Variants in PCDHGA7 observed in about 807,000 individuals in gnomAD.
PCDHGA7 encodes the protein protocadherin gamma-A7.
PCDHGA7 carries 44 observed loss-of-function variants against 58.3 expected under a neutral mutation model. That is an observed-to-expected ratio of 0.75 (90% CI 0.59 to 0.97). The LOEUF (loss-of-function observed/expected upper bound fraction) is 0.97, where lower values mean the gene tolerates loss of function less well. Among genes scored for constraint, PCDHGA7 ranks in the 50% least tolerant of loss-of-function variants. PCDHGA7 has a pLI of 0.00. For synonymous variants in PCDHGA7, 516 were observed against 504.2 expected, an observed-to-expected ratio of 1.02 and a Z score of -0.31; for missense variants, 1,266 against 1,188.7, an observed-to-expected ratio of 1.06 and a Z score of -0.96.
intron 1 of PCDHGA7, chr5:141,421,516 T>C (rs199973694): frequency 6.8e-6 from 11 of 1,614,064 alleles, no homozygotes; most frequent in Non-Finnish European, 9.3e-6. Context: ...GGAGGAGCTC[T>C]GTGAGACGGT....
chr5:141,388,094 G>A (rs2091235940), intron 1 of PCDHGA7: 1 of 1,377,208 alleles, frequency 7.3e-7, no homozygotes, highest in Non-Finnish European at 1.0e-6. Flanking sequence ...GCGTCAGTTC[G>A]GAGAAGCCTT....
chr5:141,444,350 T>C (rs1021358194), intron 1 of PCDHGA7, among the ~76,000 whole-genome samples: 7 of 151,946 alleles, frequency 4.6e-5, no homozygotes, highest in Admixed American at 2.0e-4. Context: ...TTTGTATTTT[T>C]AGTAGAGACG....
At chr5:141,406,436 T>C (rs1207276044) in intron 1 of PCDHGA7, among the ~76,000 whole-genome samples, 3 of 152,234 alleles carry the variant, frequency 2.0e-5, no homozygotes, top group Non-Finnish European at 4.4e-5. Context: ...TTGCTTCTAT[T>C]CTTCCATTTC....
intron 1 of PCDHGA7, chr5:141,419,413 C>A (rs568417008): frequency 6.2e-7 from 1 of 1,613,444 alleles, no homozygotes; most frequent in South Asian, 1.1e-5. Flanking sequence ...TCGCGCAGCG[C>A]GCCTTCGACC....
chr5:141,424,365 T>A (rs933291305), intron 1 of PCDHGA7: 7 of 152,246 alleles, frequency 4.6e-5, no homozygotes, highest in African/African-American at 1.7e-4. Context: ...TAGATCACAT[T>A]TTTTCTTAAG....
chr5:141,500,883 T>G (rs1250275850), intron 2 of PCDHGA7, among the ~76,000 whole-genome samples: 2 of 97,532 alleles, frequency 2.1e-5, no homozygotes, highest in African/African-American at 1.2e-4. Context: ...TACAATTTTT[T>G]TTTTTTGAGA....
chr5:141,410,897 A>G (rs1276742953), intron 1 of PCDHGA7: 1 of 273,412 alleles, frequency 3.7e-6, no homozygotes, highest in African/African-American at 3.4e-5. Flanking sequence ...ACTGTTGCCT[A>G]GGCTGGAGTG....
chr5:141,483,779 A>G (rs1259583177), intron 1 of PCDHGA7, among the ~76,000 whole-genome samples: 2 of 152,146 alleles, frequency 1.3e-5, no homozygotes, highest in Non-Finnish European at 2.9e-5. Context: ...TTGGGGAAGG[A>G]TAAGAACTCC....
chr5:141,494,198 C>T (rs1383940298), intron 1 of PCDHGA7, among the ~76,000 whole-genome samples: 8 of 152,158 alleles, frequency 5.3e-5, no homozygotes, highest in African/African-American at 1.7e-4. Context: ...TTGGATGCCC[C>T]GCAAAGGCCC....
chr5:141,402,882 G>C, intron 1 of PCDHGA7: 2 of 1,479,680 alleles, frequency 1.4e-6, no homozygotes, highest in East Asian at 4.8e-5. Context: ...TACTTTGCAG[G>C]GTGGAAGAAA....
chr5:141,456,140 G>A (rs1032104368), intron 1 of PCDHGA7, among the ~76,000 whole-genome samples: 38 of 152,022 alleles, frequency 2.5e-4, no homozygotes, highest in African/African-American at 8.7e-4. Flanking sequence ...CTCCTGATCC[G>A]CCCGCCTCGG....
At position 141,437,305 on chromosome 5, in the gene PCDHGA7, G is replaced by A. The variant is rs369317069; in HGVS notation, c.2424+51982G>A. On this transcript the variant is annotated intron_variant, in intron 1 of 3. Transcript: ENST00000518325. ...TATCCATTTCATCTAACAAGTTAAA[G>A]CGTTCAGCTATAATTTAAAATTTGT... 1.8e-4 allele frequency among the ~76,000 whole-genome samples: 28 copies of A among 152,266 alleles called. No homozygotes were observed. In the South Asian group the frequency reaches 4.8e-3, roughly 26 times the overall value.
At chr5:141,405,545 AAGTAGAGTAGCTGGGACTAG>A (rs1053729516) in intron 1 of PCDHGA7, 17 of 631,162 alleles carry the variant, frequency 2.7e-5, no homozygotes, top group African/African-American at 9.2e-5. Flanking sequence ...TCAGCCTCCC[AAGTAGAGTAGCTGGGACTAG>A]AGTAGAGTAG....
At chr5:141,478,442 C>G (rs1245219009) in intron 1 of PCDHGA7, 1 of 1,613,608 alleles carries the variant, frequency 6.2e-7, no homozygotes, top group Non-Finnish European at 8.5e-7. Flanking sequence ...GCTGAAGAAA[C>G]CTGGTGCAGC....
chr5:141,414,318 G>A (rs1212643655), intron 1 of PCDHGA7: 1 of 1,613,772 alleles, frequency 6.2e-7, no homozygotes, highest in Non-Finnish European at 8.5e-7. Context: ...TAGACTCTGA[G>A]CAGAATGGAC....
In PCDHGA7 at chr5:141,431,464, G is replaced by C. The variant is rs1413324509; in HGVS notation, c.2424+46141G>C. On this transcript the variant is annotated intron_variant, in intron 1 of 3. Coordinates refer to ENST00000518325, the MANE Select transcript of PCDHGA7 (RefSeq NM_018920.4). This position sits in a 1 kb window ranked among gnomAD's most constrained non-coding sequence, Gnocchi z 4.8. ...GCATCCGCGTGATGGTTCTGGATGCGAACGACAACGCACCAGCGTTTGCTC... is the reference window on the plus strand; with the variant it reads ...GCATCCGCGTGATGGTTCTGGATGCCAACGACAACGCACCAGCGTTTGCTC... The C allele has an allele frequency of 6.2e-7, 1 of 1,613,664 alleles. No individual in the cohort carries two copies. Among genetic ancestry groups the C allele is most frequent in the African/African-American group, 1.3e-5 (1 of 74,950 alleles).
At chr5:141,413,070 T>G (rs990993849) in intron 1 of PCDHGA7, 1 of 1,195,014 alleles carries the variant, frequency 8.4e-7, no homozygotes, top group African/African-American at 1.5e-5. Context: ...GAATTTAAAG[T>G]GCCCAGGCTA....
In PCDHGA7 at chr5:141,490,378, G is replaced by A; in HGVS notation, c.2425-4429G>A. On this transcript the variant is annotated intron_variant, in intron 1 of 3. Transcript: ENST00000518325. The surrounding 1 kb of genome is among the most constrained non-coding windows in gnomAD (Gnocchi z 5.4). The stretch of plus-strand genomic sequence containing the variant: ...GTTTAATGTGCGAGACCGGGACTCA[G>A]GTAGAAATGGTGAAGTGAGCCTTGA... 1 of 1,614,214 alleles carries A rather than the reference G, an allele frequency of 6.2e-7. No homozygotes were observed. The highest frequency in any genetic ancestry group is 1.1e-5 in the South Asian group (1 of 91,086).
intron 3 of PCDHGA7, among the ~76,000 whole-genome samples, chr5:141,507,772 A>C (rs2099863177): frequency 6.6e-6 from 1 of 152,332 alleles, no homozygotes; most frequent in South Asian, 2.1e-4. Flanking sequence ...TGGCCCACAC[A>C]GGGCCTGACC....
Sources: gnomAD v4.1 joint callset for allele counts (sites outside exome capture counted in the v4.1 genomes callset) on GRCh38, gnomAD v4.1.1 for gene constraint, Gnocchi (gnomAD v3.1) non-coding constraint, MANE v1.5 for transcripts, NCBI Gene and HGNC (gene_info 2026-07-23, HGNC 2026-07-21) for gene names.